CPA6: variants seen among roughly 807,000 people sequenced by gnomAD.
CPA6 encodes carboxypeptidase A6, also known as carboxypeptidase B.
Under a neutral mutation model 63.3 loss-of-function variants are expected in CPA6, and 58 were observed. That is an observed-to-expected ratio of 0.92 (90% confidence interval 0.74 to 1.14). The LOEUF is 1.14. Ranked by LOEUF, CPA6 falls within the 50% of genes most tolerant of loss-of-function variation. The pLI is 0.00. For missense variants in CPA6, 565 were observed against 526.6 expected (o/e 1.07, Z -0.71); for synonymous variants, 185 against 179.0 (o/e 1.03, Z -0.27).
intron 3 of CPA6, among the ~76,000 whole-genome samples, chr8:67,512,507 C>T (rs528103810): frequency 5.7e-4 from 87 of 152,274 alleles, no homozygotes; most frequent in African/African-American, 2.0e-3. Flanking sequence ...GAGGCCAGGG[C>T]GGGGATTCCA....
intron 5 of CPA6, among the ~76,000 whole-genome samples, chr8:67,509,291 C>T (rs562811760): frequency 9.6e-4 from 146 of 152,218 alleles, no homozygotes; most frequent in African/African-American, 3.0e-3. Context: ...ACAAATACTT[C>T]GCATCAATAA....
At chr8:67,518,906 T>A (rs942638701) in intron 2 of CPA6, among the ~76,000 whole-genome samples, 1 of 152,178 alleles carries the variant, frequency 6.6e-6, no homozygotes, top group African/African-American at 2.4e-5. Flanking sequence ...ACATCCCTTT[T>A]CAAGGAAGAC....
intron 1 of CPA6, among the ~76,000 whole-genome samples, chr8:67,690,617 A>C (rs1816796134): frequency 6.6e-6 from 1 of 152,256 alleles, no homozygotes. Context: ...CAATATAAAC[A>C]GCTACATCAA....
In CPA6 at chr8:67,428,080, G is replaced by C; in HGVS notation, c.1093C>G (p.Arg365Gly). 1 of 1,612,740 alleles carries C rather than the reference G, an allele frequency of 6.2e-7. No individual in the cohort carries two copies. Among genetic ancestry groups the C allele is most frequent in the Non-Finnish European group, 8.5e-7 (1 of 1,178,892 alleles). The change falls in exon 10 of 11, where the codon CGA becomes GGA. Residue 365 changes from arginine to glycine, a missense_variant. Arg to Gly is a moderately radical substitution (Grantham distance 125, BLOSUM62 -2). Coordinates refer to ENST00000297770, the MANE Select transcript of CPA6 (RefSeq NM_020361.5). ...VNALQSVYGV[R>G]YRYGPASTTL... ...GTGGAGGCTGGTCCATATCTGTATC[G>C]TACCCCGTATACTGACTGAAGTGCA... is the stretch of plus-strand genomic sequence containing the variant.
chr8:67,718,174 C>T (rs1232935074), intron 1 of CPA6, among the ~76,000 whole-genome samples: 1 of 152,078 alleles, frequency 6.6e-6, no homozygotes, highest in South Asian at 2.1e-4. Context: ...TTAAAGACTC[C>T]CCAACTCACA....
chr8:67,584,007 A>G (rs1349089323), intron 2 of CPA6, among the ~76,000 whole-genome samples: 1 of 151,854 alleles, frequency 6.6e-6, no homozygotes, highest in Admixed American at 6.6e-5. Context: ...AATACAAAAA[A>G]ACTTTCTGGG....
intron 2 of CPA6, among the ~76,000 whole-genome samples, chr8:67,595,866 C>T (rs1274555503): frequency 6.6e-6 from 1 of 152,210 alleles, no homozygotes; most frequent in African/African-American, 2.4e-5. Context: ...CCTGCTTCGG[C>T]TGGCGCACAG....
intron 6 of CPA6, among the ~76,000 whole-genome samples, chr8:67,498,819 A>G (rs188581161): frequency 3.9e-5 from 6 of 152,302 alleles, no homozygotes; most frequent in Admixed American, 2.6e-4. Context: ...TTCTACTTAC[A>G]TGATTAAAAA....
At chr8:67,673,803 T>C (rs1024506548) in intron 1 of CPA6, among the ~76,000 whole-genome samples, 8 of 152,170 alleles carry the variant, frequency 5.3e-5, no homozygotes, top group Non-Finnish European at 1.0e-4. Context: ...ATGCCTGCTG[T>C]GCGCCAGACA....
At chr8:67,472,375 T>TTTTTATTTTATTTTATTCTATTTTA (rs59003613) in intron 8 of CPA6, among the ~76,000 whole-genome samples, 151 of 68,978 alleles carry the variant, frequency 2.2e-3, no homozygotes, top group African/African-American at 6.0e-3. Context: ...AAGATTTATT[T>TTTTTATTTTATTTTATTCTATTTTA]TTTTATTTTA....
chr8:67,593,500 T>C (rs1008311414), intron 2 of CPA6, among the ~76,000 whole-genome samples: 1 of 152,138 alleles, frequency 6.6e-6, no homozygotes, highest in Non-Finnish European at 1.5e-5. Context: ...AAGTCTCCCA[T>C]TATTATTGTG....
chr8:67,706,131 G>A (rs185291624), intron 1 of CPA6, among the ~76,000 whole-genome samples: 4 of 152,158 alleles, frequency 2.6e-5, no homozygotes, highest in East Asian at 1.9e-4. Context: ...ATGAAAAAAC[G>A]TTATACAATT....
intron 1 of CPA6, among the ~76,000 whole-genome samples, chr8:67,688,859 C>T (rs1816758672): frequency 6.6e-6 from 1 of 152,050 alleles, no homozygotes. Flanking sequence ...ATTACTCATT[C>T]TATTTTTATA....
At chr8:67,572,912 A>G (rs966888566) in intron 2 of CPA6, among the ~76,000 whole-genome samples, 12 of 152,258 alleles carry the variant, frequency 7.9e-5, no homozygotes, top group Non-Finnish European at 1.3e-4. Context: ...TCAACAGTGC[A>G]TTAGAAGGAT....
intron 1 of CPA6, 60 bp downstream of exon 1, chr8:67,745,954 G>A: frequency 7.6e-7 from 1 of 1,309,648 alleles, no homozygotes; most frequent in Middle Eastern, 2.0e-4. Flanking sequence ...ACACTCTGGA[G>A]CAAACCAGCC....
At chr8:67,739,099 G>A (rs576995091) in intron 1 of CPA6, among the ~76,000 whole-genome samples, 1 of 152,304 alleles carries the variant, frequency 6.6e-6, no homozygotes, top group Admixed American at 6.5e-5. Context: ...TTATCAGATT[G>A]GGCTTCAAGG....
intron 8 of CPA6, among the ~76,000 whole-genome samples, chr8:67,447,938 C>A (rs976203930): frequency 6.6e-6 from 1 of 152,156 alleles, no homozygotes; most frequent in Non-Finnish European, 1.5e-5. Flanking sequence ...ACGTGTGCCA[C>A]CACGCCAGGC....
chr8:67,473,662 T>C (rs1464605627), intron 8 of CPA6, among the ~76,000 whole-genome samples: 4 of 152,188 alleles, frequency 2.6e-5, no homozygotes, highest in East Asian at 1.9e-4. Flanking sequence ...TGGAGTATAG[T>C]AGTTTGATCT....
At chr8:67,550,768 T>C (rs761754731) in intron 2 of CPA6, among the ~76,000 whole-genome samples, 19 of 152,202 alleles carry the variant, frequency 1.2e-4, no homozygotes, top group Non-Finnish European at 2.6e-4. Context: ...GTGGTTTTGA[T>C]TTGCATTTCT....
Sources: allele counts gnomAD v4.1 joint callset (sites outside exome capture counted in the v4.1 genomes callset), GRCh38; gene constraint gnomAD v4.1.1; transcripts MANE v1.5; gene names NCBI Gene and HGNC (gene_info 2026-07-23, HGNC 2026-07-21).